KCNMA1: variants seen among roughly 807,000 people sequenced by gnomAD.
KCNMA1 encodes potassium calcium-activated channel subfamily M alpha 1.
A neutral mutation model predicts 140.0 loss-of-function variants in KCNMA1; 29 were observed. The observed-to-expected ratio is 0.21, with a 90% confidence interval of 0.15 to 0.28. KCNMA1 has a LOEUF of 0.28. KCNMA1 is among the 10% of genes least tolerant of loss of function. The pLI, the probability that KCNMA1 is intolerant of heterozygous loss-of-function variation, is 1.00. For synonymous variants in KCNMA1, 612 were observed against 611.9 expected (o/e 1.00, Z 0.00); for missense variants, 880 against 1,602.2 (o/e 0.55, Z 7.70).
At chr10:77,171,400 CGTGTGTGTGTGTGTGTGTGTGTGTGTGT>C (rs60927086) in intron 5 of KCNMA1, among the ~76,000 whole-genome samples, 1 of 128,932 alleles carries the variant, frequency 7.8e-6, no homozygotes, top group African/African-American at 2.6e-5. Context: ...TGTGTGTGTG[CGTGTGTGTGTGTGTGTGTGTGTGTGTGT>C]GTGTGTGTGT....
chr10:77,472,390 C>T (rs897101230), intron 1 of KCNMA1, among the ~76,000 whole-genome samples: 9 of 139,798 alleles, frequency 6.4e-5, no homozygotes, highest in Admixed American at 1.5e-4. Flanking sequence ...ACTATACAAA[C>T]ATCACAGACA....
At position 77,324,118 on chromosome 10, in the gene KCNMA1, T is replaced by C. The variant is rs75500132; in HGVS notation, c.541-72862A>G. Among the ~76,000 whole-genome samples, 27 of 152,294 alleles carry C rather than the reference T, an allele frequency of 1.8e-4. No homozygotes were observed. The East Asian group carries it at 4.8e-3, about 27-fold the overall frequency. ...TCCTTCTCCAGAACATCTGGCTTCATTGCAAGCCACTGTGGGCTACTGGAG... is the reference window on the plus strand; with the variant it reads ...TCCTTCTCCAGAACATCTGGCTTCACTGCAAGCCACTGTGGGCTACTGGAG... On this transcript the variant is annotated intron_variant, in intron 2 of 27. Transcript: ENST00000286628.
chr10:77,234,081 ATGG>A (rs2054568138), intron 3 of KCNMA1, among the ~76,000 whole-genome samples: 1 of 152,180 alleles, frequency 6.6e-6, no homozygotes, highest in Non-Finnish European at 1.5e-5. Flanking sequence ...CTTTAAAATG[ATGG>A]TGGTATATTA....
At chr10:77,025,281 T>TATATAC (rs1394239548) in intron 16 of KCNMA1, among the ~76,000 whole-genome samples, 47 of 122,262 alleles carry the variant, frequency 3.8e-4, no homozygotes, top group South Asian at 8.2e-4. Context: ...TATATATATA[T>TATATAC]ACACACACAC....
chr10:77,546,723 T>C (rs1017834732), intron 1 of KCNMA1, among the ~76,000 whole-genome samples: 2 of 152,220 alleles, frequency 1.3e-5, no homozygotes, highest in African/African-American at 4.8e-5. Context: ...CAGGCCTCCT[T>C]TCCCATCTTT....
At chr10:77,526,566 C>G (rs774248148) in intron 1 of KCNMA1, among the ~76,000 whole-genome samples, 1 of 152,148 alleles carries the variant, frequency 6.6e-6, no homozygotes, top group African/African-American at 2.4e-5. Flanking sequence ...GTTAGTGGCC[C>G]GATCATTCCT....
intron 23 of KCNMA1, among the ~76,000 whole-genome samples, chr10:76,938,575 A>G (rs900193432): frequency 7.3e-5 from 11 of 151,626 alleles, no homozygotes; most frequent in Admixed American, 6.6e-5. Flanking sequence ...CAATCCCATC[A>G]CTCTCTTGCT....
At chr10:77,136,400 G>A (rs527271362) in intron 5 of KCNMA1, among the ~76,000 whole-genome samples, 42 of 152,252 alleles carry the variant, frequency 2.8e-4, no homozygotes, top group African/African-American at 9.6e-4. Context: ...GAGCTGAGGG[G>A]AGAGGAAAAA....
chr10:76,924,913 A>G (rs894496584), intron 23 of KCNMA1, among the ~76,000 whole-genome samples: 2 of 152,120 alleles, frequency 1.3e-5, no homozygotes, highest in African/African-American at 4.8e-5. Context: ...CTGGTTTCCA[A>G]CACAGAGGGA....
At position 77,404,042 on chromosome 10, in the gene KCNMA1, A is replaced by G. The variant is rs1323723630; in HGVS notation, c.379-19T>C. 1 of 1,613,086 alleles carries G rather than the reference A, an allele frequency of 6.2e-7. No homozygotes were observed. Among genetic ancestry groups the G allele is most frequent in the Non-Finnish European group, 8.5e-7 (1 of 1,179,172 alleles). ...GGGCCTCCTGGCAACAGAGAGAGCAAGAGTTAAGACATAGGGAACAATGGA... is the reference window on the plus strand; with the variant it reads ...GGGCCTCCTGGCAACAGAGAGAGCAGGAGTTAAGACATAGGGAACAATGGA... On this transcript the variant is annotated intron_variant, in intron 1 of 27. Coordinates refer to ENST00000286628, the MANE Select transcript of KCNMA1 (RefSeq NM_001161352.2).
At chr10:77,155,059 A>C (rs1289575568) in intron 5 of KCNMA1, among the ~76,000 whole-genome samples, 5 of 152,176 alleles carry the variant, frequency 3.3e-5, no homozygotes, top group Non-Finnish European at 7.3e-5. Context: ...AGGGAGAAGA[A>C]GCCTGGGGGG....
At chr10:77,509,572 T>C (rs2047591722) in intron 1 of KCNMA1, among the ~76,000 whole-genome samples, 1 of 152,240 alleles carries the variant, frequency 6.6e-6, no homozygotes, top group African/African-American at 2.4e-5. Flanking sequence ...ACTGCCATAC[T>C]GTTTTCCACA....
chr10:77,012,432 C>T (rs2091018847), intron 17 of KCNMA1: 5 of 1,548,534 alleles, frequency 3.2e-6, no homozygotes, highest in Middle Eastern at 1.7e-4. Flanking sequence ...AAAATTCCCA[C>T]AGTCTGGTCA....
chr10:77,346,966 T>G (rs2092263519), intron 2 of KCNMA1, among the ~76,000 whole-genome samples: 1 of 152,140 alleles, frequency 6.6e-6, no homozygotes, highest in South Asian at 2.1e-4. Context: ...AGCCTGCATG[T>G]GGGTCTAAAG....
intron 12 of KCNMA1, among the ~76,000 whole-genome samples, chr10:77,081,994 CTTTTTTTCT>C (rs2096580229): frequency 2.9e-5 from 2 of 68,536 alleles, no homozygotes; most frequent in African/African-American, 1.3e-4. Context: ...CCAGTAATTT[CTTTTTTTCT>C]TTTCTTTTTT....
intron 3 of KCNMA1, among the ~76,000 whole-genome samples, chr10:77,210,873 C>G (rs959630938): frequency 6.6e-6 from 1 of 152,108 alleles, no homozygotes; most frequent in Non-Finnish European, 1.5e-5. Flanking sequence ...TGAAAGATCT[C>G]TATGTGGAGA....
intron 5 of KCNMA1, among the ~76,000 whole-genome samples, chr10:77,177,502 T>G (rs370808858): frequency 2.6e-5 from 4 of 151,624 alleles, no homozygotes; most frequent in Middle Eastern, 3.4e-3. Context: ...TTCTTTTCTT[T>G]TCTTTTCTTT....
chr10:77,204,344 G>A (rs572697829), intron 3 of KCNMA1, among the ~76,000 whole-genome samples: 5 of 152,240 alleles, frequency 3.3e-5, no homozygotes, highest in African/African-American at 1.2e-4. Flanking sequence ...GCCATGAGAG[G>A]TCCAAGACCT....
intron 2 of KCNMA1, among the ~76,000 whole-genome samples, chr10:77,284,227 C>G (rs2069825202): frequency 6.6e-6 from 1 of 152,000 alleles, no homozygotes; most frequent in South Asian, 2.1e-4. Context: ...GAGAGGTTTC[C>G]TATGAAACTC....
Sources: gnomAD v4.1 joint callset for allele counts (sites outside exome capture counted in the v4.1 genomes callset) on GRCh38, gnomAD v4.1.1 for gene constraint, MANE v1.5 for transcripts, NCBI Gene and HGNC (gene_info 2026-07-23, HGNC 2026-07-21) for gene names.